ACACA: variants seen among roughly 807,000 people sequenced by gnomAD.
The protein encoded by ACACA is acetyl-CoA carboxylase alpha.
ACACA carries 103 observed loss-of-function variants against 296.1 expected under a neutral mutation model. The ratio of observed to expected loss-of-function variants is 0.35; its 90% CI spans 0.30 to 0.41. The LOEUF (loss-of-function observed/expected upper bound fraction) is 0.41. ACACA is among the 10% of genes least tolerant of loss of function. The probability of loss-of-function intolerance (pLI) is 1.00; values close to 1 mark genes in which losing one functional copy is unlikely to be tolerated. For missense variants in ACACA, 1,554 were observed against 2,989.7 expected (o/e 0.52, Z 11.20); for synonymous variants, 953 against 1,038.6 (o/e 0.92, Z 1.58).
intron 24 of ACACA, among the ~76,000 whole-genome samples, chr17:37,238,140 T>A (rs1198365449): frequency 1.3e-5 from 2 of 152,222 alleles, no homozygotes; most frequent in Non-Finnish European, 1.5e-5. Flanking sequence ...CTGTGTCTTA[T>A]ACAACAAAAT....
At chr17:37,394,327 C>CA (rs372768097) in intron 1 of ACACA, among the ~76,000 whole-genome samples, 2 of 151,830 alleles carry the variant, frequency 1.3e-5, no homozygotes, top group African/African-American at 4.8e-5. Context: ...TCTCGTGCCT[C>CA]AGCCTCCCCA....
Position 37,247,201 on chromosome 17 carries a change from A to G in ACACA, c.2310-225T>C, listed in dbSNP as rs143886898. On this transcript the variant is annotated intron_variant, in intron 18 of 55. Transcript: ENST00000616317. ...TCATATAATGGAATACCACATGACT[A>G]TTAAAAATAACAGGTACCACCATTT... Among the ~76,000 whole-genome samples, 458 of 152,346 alleles carry G rather than the reference A, an allele frequency of 3.0e-3. 3 individuals carry two copies. The South Asian group carries it at 0.033, about 11-fold the overall frequency.
At chr17:37,390,317 T>G (rs868364863) in intron 1 of ACACA, among the ~76,000 whole-genome samples, 1 of 51,070 alleles carries the variant, frequency 2.0e-5, no homozygotes, top group Non-Finnish European at 3.1e-5. Context: ...TATATATATA[T>G]ATATATATAT....
Position 37,330,267 on chromosome 17 carries a change from T to TCTC in ACACA, c.241_243dup (p.Glu81dup), listed in dbSNP as rs1440226885. The TCTC allele has an allele frequency of 1.2e-6, 2 of 1,614,050 alleles. No individual in the cohort carries two copies. The highest frequency in any genetic ancestry group is 2.7e-5 in the African/African-American group (2 of 74,922). On this transcript the variant is annotated inframe_insertion, in exon 3 of 56. Transcript: ENST00000616317. ...GAAGCAGGTGACAAGGAGCCCTCCT[T>TCTC]CTCCTCCAGTAGGTCCAACTTCACC...
intron 1 of ACACA, among the ~76,000 whole-genome samples, chr17:37,359,307 C>T (rs2049301391): frequency 6.6e-6 from 1 of 152,048 alleles, no homozygotes; most frequent in Non-Finnish European, 1.5e-5. Context: ...GGCCCGAGGG[C>T]TCAGCGGCAG....
Position 37,226,206 on chromosome 17 carries a change from T to G in ACACA, c.3360+133A>C, listed in dbSNP as rs930453588. 25 of 803,672 alleles carry G rather than the reference T, an allele frequency of 3.1e-5. No homozygotes were observed. In the Admixed American group the frequency reaches 3.1e-4, roughly 10 times the overall value. 49.8% of individuals were successfully genotyped at this position (803,672 alleles called of 1,614,324 possible). ...ACATACCACATGAAAACATTTGTTC[T>G]GAGGAAAACGTGACACATATATAGA... On this transcript the variant is annotated intron_variant, in intron 26 of 55. Transcript: ENST00000616317.
At chr17:37,268,182 T>C (rs2081881421) in intron 10 of ACACA, among the ~76,000 whole-genome samples, 1 of 152,198 alleles carries the variant, frequency 6.6e-6, no homozygotes, top group African/African-American at 2.4e-5. Context: ...TTCTACTGTT[T>C]TGTTCTTCTT....
chr17:37,223,368 A>T, intron 28 of ACACA, 144 bp downstream of exon 28: 1 of 722,934 alleles, frequency 1.4e-6, no homozygotes, highest in Non-Finnish European at 2.5e-6. Context: ...GTAAGCACAT[A>T]CTGTTTCAGA....
chr17:37,142,808 C>T (rs931295843), intron 45 of ACACA, among the ~76,000 whole-genome samples: 6 of 152,190 alleles, frequency 3.9e-5, no homozygotes, highest in African/African-American at 1.4e-4. Context: ...TTGCTAGATA[C>T]ATCTATTGGG....
rs556369121 is a variant in ACACA at position 37,097,607 on chromosome 17, C to T, written c.6720+223G>A. Among the ~76,000 whole-genome samples, 16 of 152,312 alleles carry T rather than the reference C, an allele frequency of 1.1e-4. No homozygotes were observed. The highest frequency in any genetic ancestry group is 6.5e-4 in the Admixed American group (10 of 15,300). ...TCAGTTTCCCACCAGTAAAATGCAG[C>T]TTGCCTCCTGAGGAATTAATGGAAA... is the stretch of plus-strand genomic sequence containing the variant. On this transcript the variant is annotated intron_variant, in intron 53 of 55. Transcript: ENST00000616317. This position sits in a 1 kb window ranked among gnomAD's most constrained non-coding sequence, Gnocchi z 4.8.
chr17:37,310,486 G>A (rs2084078377), intron 3 of ACACA, among the ~76,000 whole-genome samples: 1 of 151,992 alleles, frequency 6.6e-6, no homozygotes, highest in Non-Finnish European at 1.5e-5. Context: ...AGTAGCAAAG[G>A]GATGAATTTT....
intron 1 of ACACA, among the ~76,000 whole-genome samples, chr17:37,398,602 G>T (rs1296870195): frequency 1.0e-5 from 1 of 95,736 alleles, no homozygotes; most frequent in Non-Finnish European, 1.9e-5. Flanking sequence ...CTTTTTTTTT[G>T]AGACAGAGTC....
chr17:37,374,529 C>A (rs1403803358), intron 1 of ACACA, among the ~76,000 whole-genome samples: 1 of 152,154 alleles, frequency 6.6e-6, no homozygotes, highest in Non-Finnish European at 1.5e-5. Flanking sequence ...TCAGGTCATC[C>A]ACCCGCCTCA....
chr17:37,225,229 A>G (rs2145709674), intron 26 of ACACA, 124 bp from the exon 27 acceptor site: 1 of 690,422 alleles, frequency 1.4e-6, no homozygotes. Flanking sequence ...CAGATAAAAC[A>G]GAGACCAAGT....
intron 1 of ACACA, among the ~76,000 whole-genome samples, chr17:37,351,324 A>T (rs998911548): frequency 2.0e-5 from 3 of 151,894 alleles, no homozygotes; most frequent in African/African-American, 7.3e-5. Context: ...TTAGCTGGGC[A>T]TGGTGGCACA....
chr17:37,223,872 A>C (rs2079409905), intron 27 of ACACA, among the ~76,000 whole-genome samples: 1 of 152,210 alleles, frequency 6.6e-6, no homozygotes, highest in Non-Finnish European at 1.5e-5. Context: ...AGTGTTTATG[A>C]CTGTTATTCT....
At chr17:37,312,670 A>G (rs188829461) in intron 3 of ACACA, among the ~76,000 whole-genome samples, 2 of 152,324 alleles carry the variant, frequency 1.3e-5, no homozygotes, top group African/African-American at 4.8e-5. Context: ...GTTAAAGGCC[A>G]TTGTAATAGA....
chr17:37,344,659 T>C (rs1597659260), intron 1 of ACACA, among the ~76,000 whole-genome samples: 1 of 152,076 alleles, frequency 6.6e-6, no homozygotes, highest in South Asian at 2.1e-4. Flanking sequence ...ACAAGACAAT[T>C]TTCTTGGAAA....
intron 3 of ACACA, among the ~76,000 whole-genome samples, chr17:37,311,403 T>A (rs1209205847): frequency 7.0e-6 from 1 of 142,378 alleles, no homozygotes; most frequent in Non-Finnish European, 1.5e-5. Context: ...AGCATTGTTC[T>A]GGGTTACAAA....
Sources: gnomAD v4.1 joint callset for allele counts (sites outside exome capture counted in the v4.1 genomes callset) on GRCh38, gnomAD v4.1.1 for gene constraint, Gnocchi (gnomAD v3.1) non-coding constraint, MANE v1.5 for transcripts, NCBI Gene and HGNC (gene_info 2026-07-23, HGNC 2026-07-21) for gene names.